The following MYLK3 variants were observed in gnomAD, a reference collection of about 807,000 sequenced individuals.
MYLK3 encodes MLC kinase.
A neutral mutation model predicts 76.3 loss-of-function variants in MYLK3; 55 were observed. The ratio of observed to expected loss-of-function variants is 0.72; its 90% CI spans 0.58 to 0.90. The LOEUF (loss-of-function observed/expected upper bound fraction) is 0.90, where lower values mean the gene tolerates loss of function less well. Ranked by LOEUF, MYLK3 falls within the 40% of genes least tolerant of loss-of-function variation. The pLI is 0.00. For synonymous variants in MYLK3, 416 were observed against 425.4 expected (o/e 0.98, Z 0.27); for missense variants, 973 against 1,053.6 (o/e 0.92, Z 1.06).
rs1284508448 is a variant in MYLK3, at chr16:46,737,788, AG to A, written c.923del (p.Pro308LeufsTer42). 2.5e-6 allele frequency: 4 copies of A among 1,612,042 alleles called. No homozygotes were observed. The Admixed American group carries it at 6.7e-5, about 27-fold the overall frequency. ...LEEGTRLTPG[P>X]GPQCPGPPGL... ...CTGGAGGCCCTGGGCACTGAGGGCC[AG>A]GCCCTGGAGTCAGCCTCGTGCCTTC... On this transcript the variant is annotated frameshift_variant, in exon 3 of 13. Transcript: ENST00000394809. LOFTEE classifies it high-confidence loss of function.
chr16:46,711,636 A>G (rs1169442684), intron 10 of MYLK3: 1 of 437,778 alleles, frequency 2.3e-6, no homozygotes, highest in Non-Finnish European at 4.6e-6. Context: ...ACAGCTTCCC[A>G]AAGTGCTGGG....
chr16:46,736,621 C>T (rs1966869569), intron 3 of MYLK3, among the ~76,000 whole-genome samples: 1 of 152,184 alleles, frequency 6.6e-6, no homozygotes, highest in African/African-American at 2.4e-5. Flanking sequence ...CTTCCTCCAT[C>T]CTGCGAGGCC....
intron 9 of MYLK3, among the ~76,000 whole-genome samples, chr16:46,713,061 G>T (rs557849817): frequency 9.3e-4 from 141 of 152,260 alleles, no homozygotes; most frequent in Non-Finnish European, 1.6e-3. Flanking sequence ...TTAGGAAGGG[G>T]TTAGGGGCAG....
intron 5 of MYLK3, 59 bp downstream of exon 5, chr16:46,730,534 C>T: frequency 6.9e-7 from 1 of 1,457,056 alleles, no homozygotes; most frequent in Admixed American, 1.7e-5. Context: ...CCAGGTGGTC[C>T]CGACCCTGCC....
intron 10 of MYLK3, chr16:46,711,741 G>C (rs970029229): frequency 6.0e-6 from 2 of 335,414 alleles, no homozygotes; most frequent in African/African-American, 4.4e-5. Context: ...TACCCACCCA[G>C]AAGTATCAGG....
chr16:46,737,844 A>G lies in MYLK3; in HGVS notation c.868T>C (p.Ser290Pro). The change falls in exon 3 of 13, where the codon TCC becomes CCC. Residue 290 changes from serine (S) to proline (P), a missense_variant. Physicochemically the swap from Ser to Pro is moderately conservative, Grantham distance 74. Around this residue, in one of 2 missense-constraint regions of MYLK3, gnomAD observed 641 missense variants for 637.0 expected, o/e 1.01. Transcript: ENST00000394809. ...VAPGAGQGAS[S>P]SRPDPEPLEE... ...AAGGGCTCAGGGTCAGGCCTGCTGG[A>G]CGATGCTCCTTGTCCTGCACCTGGT... is the stretch of plus-strand genomic sequence containing the variant. 6.2e-7 allele frequency: 1 copy of G among 1,613,804 alleles called. No individual in the cohort carries two copies. The highest frequency in any genetic ancestry group is 8.5e-7 in the Non-Finnish European group (1 of 1,180,032).
intron 10 of MYLK3, 80 bp from the exon 11 acceptor site, chr16:46,710,869 A>C: frequency 6.4e-7 from 1 of 1,563,472 alleles, no homozygotes; most frequent in Non-Finnish European, 8.8e-7. Context: ...AAGCTTACAG[A>C]GTTCAAGTGG....
chr16:46,716,458 T>C lies in MYLK3; in HGVS notation c.1986-3682A>G, dbSNP rs1468849544. On this transcript the variant is annotated intron_variant, in intron 9 of 12. Transcript: ENST00000394809. ...ATATATGTATGTATGTGTATATATA[T>C]GTGTGTATATATATATGTGTGTGTG... Among the ~76,000 whole-genome samples, 9 of 150,690 alleles carry C rather than the reference T, an allele frequency of 6.0e-5. No individual in the cohort carries two copies. The Admixed American group carries it at 6.1e-4, about 10-fold the overall frequency.
chr16:46,728,437 T>C (rs937093781), intron 7 of MYLK3, among the ~76,000 whole-genome samples: 2 of 152,144 alleles, frequency 1.3e-5, no homozygotes, highest in Non-Finnish European at 1.5e-5. Context: ...TTACTAAAAA[T>C]AGGCAGAGTG....
intron 2 of MYLK3, among the ~76,000 whole-genome samples, chr16:46,739,827 C>T (rs1966900206): frequency 1.3e-5 from 2 of 152,076 alleles, no homozygotes; most frequent in African/African-American, 2.4e-5. Context: ...GAAGTCAGTT[C>T]CCCAACCCCG....
At chr16:46,757,139 G>C (rs977612034) in intron 1 of MYLK3, among the ~76,000 whole-genome samples, 2 of 152,204 alleles carry the variant, frequency 1.3e-5, no homozygotes, top group Non-Finnish European at 2.9e-5. Context: ...GGAAAGCAGA[G>C]ATGAAGAAGA....
chr16:46,759,530 C>T (rs746879212), intron 1 of MYLK3, among the ~76,000 whole-genome samples: 40 of 152,116 alleles, frequency 2.6e-4, no homozygotes, highest in Admixed American at 7.2e-4. Context: ...CACAGGGTGA[C>T]GAAGGCATGT....
chr16:46,750,800 G>A (rs1465802743), upstream of MYLK3, among the ~76,000 whole-genome samples: 1 of 151,536 alleles, frequency 6.6e-6, no homozygotes, highest in Non-Finnish European at 1.5e-5. Context: ...GACCAGCCTG[G>A]CTAACATGGT....
At chr16:46,745,362 C>T (rs149352124) in intron 1 of MYLK3, among the ~76,000 whole-genome samples, 6 of 152,130 alleles carry the variant, frequency 3.9e-5, no homozygotes, top group Non-Finnish European at 8.8e-5. Flanking sequence ...ATATTCATAA[C>T]GATATGAACA....
At chr16:46,730,955 G>A (rs1966851485) in intron 4 of MYLK3, among the ~76,000 whole-genome samples, 1 of 152,238 alleles carries the variant, frequency 6.6e-6, no homozygotes, top group Non-Finnish European at 1.5e-5. Flanking sequence ...GTTCTATCCA[G>A]TCTGTTCATG....
At chr16:46,728,216 A>G (rs1177368925) in intron 7 of MYLK3, among the ~76,000 whole-genome samples, 1 of 152,190 alleles carries the variant, frequency 6.6e-6, no homozygotes, top group Non-Finnish European at 1.5e-5. Flanking sequence ...TGGCCCCAGC[A>G]CTGGGGCGGT....
intron 3 of MYLK3, among the ~76,000 whole-genome samples, chr16:46,733,987 T>C (rs2143015300): frequency 6.6e-6 from 1 of 152,320 alleles, no homozygotes. Flanking sequence ...GCACAACTGC[T>C]GTGGAAAACT....
At chr16:46,730,921 C>T (rs1370052261) in intron 4 of MYLK3, among the ~76,000 whole-genome samples, 1 of 152,240 alleles carries the variant, frequency 6.6e-6, no homozygotes, top group Admixed American at 6.5e-5. Context: ...GCACCCAGGA[C>T]AGTGCCCTTG....
chr16:46,736,949 G>T (rs532614980), intron 3 of MYLK3, among the ~76,000 whole-genome samples: 1 of 152,178 alleles, frequency 6.6e-6, no homozygotes, highest in Non-Finnish European at 1.5e-5. Flanking sequence ...CTCAGGCTGC[G>T]TTCTAGGGGC....
Sources: allele counts gnomAD v4.1 joint callset (sites outside exome capture counted in the v4.1 genomes callset), GRCh38; gene constraint gnomAD v4.1.1; regional missense constraint gnomAD v4.1.1; transcripts MANE v1.5; gene names NCBI Gene and HGNC (gene_info 2026-07-23, HGNC 2026-07-21).